Variants in SLC25A37 observed in about 807,000 individuals in gnomAD.
SLC25A37 encodes solute carrier family 25 member 37.
In SLC25A37, 17 loss-of-function variants were observed where a neutral mutation model predicts 31.0. That is an observed-to-expected ratio of 0.55 (90% CI 0.38 to 0.82). The LOEUF (loss-of-function observed/expected upper bound fraction) is 0.82, where lower values mean the gene tolerates loss of function less well. Among genes scored for constraint, SLC25A37 ranks in the 40% least tolerant of loss-of-function variants. SLC25A37 has a pLI of 0.00. For missense variants in SLC25A37, 404 were observed against 465.8 expected, an observed-to-expected ratio of 0.87 and a Z score of 1.22; for synonymous variants, 222 against 193.0, an observed-to-expected ratio of 1.15 and a Z score of -1.24.
chr8:23,546,560 A>G lies in SLC25A37; in HGVS notation c.210+17348A>G, dbSNP rs1328132678. On this transcript the variant is annotated intron_variant, in intron 1 of 3. Transcript: ENST00000519973. ...ATATATATATATATATATAGTGTATATATATATATATATATATATATAGTG... is the reference window on the plus strand; with the variant it reads ...ATATATATATATATATATAGTGTATGTATATATATATATATATATATAGTG... Among the ~76,000 whole-genome samples the G allele has an allele frequency of 3.5e-3, 272 of 77,138 alleles. 7 individuals are homozygous for G. The highest frequency in any genetic ancestry group is 6.1e-3 in the Admixed American group (43 of 7,040). The allele number at this position is 77,138 out of a possible 152,430, so 50.6% of individuals were successfully genotyped here. A position where few individuals can be genotyped will look rare whatever the true frequency, so the allele number is the denominator to read the frequency against.
intron 1 of SLC25A37, among the ~76,000 whole-genome samples, chr8:23,555,320 C>G (rs1802335070): frequency 6.6e-6 from 1 of 152,200 alleles, no homozygotes; most frequent in South Asian, 2.1e-4. Context: ...ATTCTTACAG[C>G]TTGACATACT....
At chr8:23,558,830 G>A (rs1024051407) in intron 1 of SLC25A37, among the ~76,000 whole-genome samples, 1 of 152,210 alleles carries the variant, frequency 6.6e-6, no homozygotes, top group African/African-American at 2.4e-5. Context: ...CAGGTGCAGA[G>A]GAGGAATGCT....
intron 3 of SLC25A37, among the ~76,000 whole-genome samples, chr8:23,570,185 G>A (rs561498214): frequency 2.6e-5 from 4 of 152,250 alleles, no homozygotes; most frequent in East Asian, 3.9e-4. Flanking sequence ...ATCGTGTGCC[G>A]CACGAGGCAT....
At chr8:23,559,362 T>C (rs563560153) in intron 1 of SLC25A37, among the ~76,000 whole-genome samples, 26 of 151,272 alleles carry the variant, frequency 1.7e-4, no homozygotes, top group Non-Finnish European at 3.4e-4. Flanking sequence ...TGCGTGTGTG[T>C]GCGCGCGCGC....
At chr8:23,543,604 C>T (rs1168520893) in intron 1 of SLC25A37, among the ~76,000 whole-genome samples, 1 of 152,164 alleles carries the variant, frequency 6.6e-6, no homozygotes, top group Admixed American at 6.5e-5. Context: ...GTTGTGATGG[C>T]TCATGCCTGT....
intron 1 of SLC25A37, among the ~76,000 whole-genome samples, chr8:23,565,698 CA>C (rs565863313): frequency 1.0e-3 from 158 of 152,324 alleles, no homozygotes; most frequent in Admixed American, 1.8e-3. Context: ...GTGGGCACCA[CA>C]GGACAATTCT....
chr8:23,544,530 CA>C (rs1213338392), intron 1 of SLC25A37, among the ~76,000 whole-genome samples: 1 of 152,152 alleles, frequency 6.6e-6, no homozygotes, highest in East Asian at 1.9e-4. Context: ...GCAGGAAGGA[CA>C]GATCTCCAAT....
intron 3 of SLC25A37, among the ~76,000 whole-genome samples, chr8:23,570,411 G>GGGGGGT (rs2117465360): frequency 6.6e-6 from 1 of 151,864 alleles, no homozygotes; most frequent in East Asian, 1.9e-4. Context: ...AGCGGTGGTG[G>GGGGGGT]GGGGTGGGGT....
In SLC25A37 at chr8:23,529,113, G is replaced by T; in HGVS notation, c.111G>T (p.Glu37Asp). Residue 37 changes from glutamate to aspartate, a missense_variant, in exon 1 of 4, where the codon GAG becomes GAT. Physicochemically the swap from Glu to Asp is conservative, Grantham distance 45. Around this residue, in one of 3 missense-constraint regions of SLC25A37, gnomAD observed 154 missense variants for 153.6 expected, o/e 1.00. Coordinates refer to ENST00000519973, the MANE Select transcript of SLC25A37 (RefSeq NM_016612.4). The surrounding 1 kb of genome is among the most constrained non-coding windows in gnomAD (Gnocchi z 4.1). ...GKDATGSEDY[E>D]NLPTSASVST... The stretch of plus-strand genomic sequence containing the variant: ...ACGCCACCGGGTCGGAGGACTACGA[G>T]AACCTGCCGACTAGCGCCTCCGTGT... 6.2e-7 allele frequency: 1 copy of T among 1,610,902 alleles called. No homozygotes were observed. The highest frequency in any genetic ancestry group is 8.5e-7 in the Non-Finnish European group (1 of 1,179,046).
At position 23,572,001 on chromosome 8, in the gene SLC25A37, C is replaced by T. The variant is rs1239440592; in HGVS notation, c.*146C>T. ...CCAATGCCTTAGAGAGAGGAGGGGA[C>T]GGCACGGCCGCTCACCGGAAGGCTG... On this transcript the variant is annotated 3_prime_UTR_variant, in exon 4 of 4. Coordinates refer to ENST00000519973, the MANE Select transcript of SLC25A37 (RefSeq NM_016612.4). The T allele has an allele frequency of 9.0e-6, 8 of 887,800 alleles. No homozygotes were observed. Among genetic ancestry groups the T allele is most frequent in the South Asian group, 1.8e-5 (1 of 55,196 alleles). The allele number at this position is 887,800 out of a possible 1,614,324, so 55.0% of individuals were successfully genotyped here. A position where few individuals can be genotyped will look rare whatever the true frequency, so the allele number is the denominator to read the frequency against.
intron 1 of SLC25A37, among the ~76,000 whole-genome samples, chr8:23,553,442 CAAA>C (rs55996201): frequency 1.3e-5 from 2 of 149,948 alleles, no homozygotes; most frequent in Admixed American, 6.7e-5. Flanking sequence ...AAACAAAAAA[CAAA>C]AAAAAAACCA....
Position 23,550,006 on chromosome 8 carries a change from A to G in SLC25A37, c.211-16102A>G, listed in dbSNP as rs773851964. Among the ~76,000 whole-genome samples, 3 of 137,080 alleles carry G rather than the reference A, an allele frequency of 2.2e-5. 1 individual carries two copies. The highest frequency in any genetic ancestry group is 5.0e-4 in the East Asian group (2 of 3,990). 89.9% of individuals were successfully genotyped at this position (137,080 alleles called of 152,430 possible). On this transcript the variant is annotated intron_variant, in intron 1 of 3. Coordinates refer to ENST00000519973, the MANE Select transcript of SLC25A37 (RefSeq NM_016612.4). ...AGACCAGCCTGACCAACATGGAGAA[A>G]CCCTGTCTCTACTAAAAATACAAAA... is the stretch of plus-strand genomic sequence containing the variant.
At chr8:23,543,496 A>G (rs1394466939) in intron 1 of SLC25A37, among the ~76,000 whole-genome samples, 2 of 152,102 alleles carry the variant, frequency 1.3e-5, no homozygotes, top group African/African-American at 4.8e-5. Context: ...ACTCACCACC[A>G]CTCACTTAAA....
At chr8:23,566,835 C>T (rs975940317) in intron 2 of SLC25A37, 1 of 985,852 alleles carries the variant, frequency 1.0e-6, no homozygotes, top group African/African-American at 1.7e-5. Context: ...TTATGGCTGA[C>T]AAAGGACTCG....
chr8:23,563,895 C>T (rs6986694), intron 1 of SLC25A37, among the ~76,000 whole-genome samples: 38,225 of 151,940 alleles, frequency 0.25, 4,938 homozygotes, highest in Admixed American at 0.27. Context: ...GCAGGAGAAT[C>T]GCTTGAACGT....
Position 23,529,289 on chromosome 8 carries a change from C to A in SLC25A37, c.210+77C>A. 1 of 1,418,292 alleles carries A rather than the reference C, an allele frequency of 7.1e-7. No homozygotes were observed. Among genetic ancestry groups the A allele is most frequent in the South Asian group, 1.3e-5 (1 of 75,250 alleles). 87.9% of individuals were successfully genotyped at this position (1,418,292 alleles called of 1,614,324 possible). On this transcript the variant is annotated intron_variant, in intron 1 of 3. Transcript: ENST00000519973. This position sits in a 1 kb window ranked among gnomAD's most constrained non-coding sequence, Gnocchi z 4.1. Reference sequence around the variant, plus strand: ...CGCGCATTTGCATCCCGCGCGCCGGCAGCCTCGGGGCAGCGTCCCGAAACC... The same window carrying A: ...CGCGCATTTGCATCCCGCGCGCCGGAAGCCTCGGGGCAGCGTCCCGAAACC...
intron 1 of SLC25A37, among the ~76,000 whole-genome samples, chr8:23,547,543 C>G (rs1285597692): frequency 6.6e-6 from 1 of 152,220 alleles, no homozygotes; most frequent in African/African-American, 2.4e-5. Flanking sequence ...AATTTCCACT[C>G]CTTCTTTTCA....
chr8:23,568,474 A>AGC (rs1374050774), intron 3 of SLC25A37, 96 bp downstream of exon 3: 27 of 1,370,694 alleles, frequency 2.0e-5, no homozygotes. Flanking sequence ...AGGTGGGCAG[A>AGC]GCGGCTCCTA....
intron 1 of SLC25A37, among the ~76,000 whole-genome samples, chr8:23,539,319 G>C (rs1206255547): frequency 6.6e-6 from 1 of 152,142 alleles, no homozygotes; most frequent in Admixed American, 6.5e-5. Flanking sequence ...GGATCCATTA[G>C]ATCCATCCAG....
Sources: gnomAD v4.1 joint callset for allele counts (sites outside exome capture counted in the v4.1 genomes callset) on GRCh38, gnomAD v4.1.1 for gene constraint, gnomAD v4.1.1 regional missense constraint, Gnocchi (gnomAD v3.1) non-coding constraint, MANE v1.5 for transcripts, NCBI Gene and HGNC (gene_info 2026-07-23, HGNC 2026-07-21) for gene names.